ARID5B: variants seen among roughly 807,000 people sequenced by gnomAD.
ARID5B encodes AT-rich interactive domain-containing protein 5B.
Under a neutral mutation model 97.2 loss-of-function variants are expected in ARID5B, and 13 were observed. The ratio of observed to expected loss-of-function variants is 0.13; its 90% CI spans 0.09 to 0.21. The LOEUF (loss-of-function observed/expected upper bound fraction) is 0.21. Among genes scored for constraint, ARID5B ranks in the 10% least tolerant of loss-of-function variants. The probability of loss-of-function intolerance (pLI) is 1.00; values close to 1 mark genes in which losing one functional copy is unlikely to be tolerated. For missense variants in ARID5B, 1,210 were observed against 1,465.3 expected, an observed-to-expected ratio of 0.83 and a Z score of 2.84; for synonymous variants, 556 against 570.3, an observed-to-expected ratio of 0.97 and a Z score of 0.36.
Position 62,092,664 on chromosome 10 carries a change from A to G in ARID5B, c.3201A>G (p.Glu1067=). The G allele has an allele frequency of 6.2e-7, 1 of 1,614,072 alleles. No homozygotes were observed. Among genetic ancestry groups the G allele is most frequent in the East Asian group, 2.2e-5 (1 of 44,874 alleles). Residue 1067 remains glutamate, a synonymous_variant, in exon 10 of 10, where the codon GAA becomes GAG. Coordinates refer to ENST00000279873, the MANE Select transcript of ARID5B (RefSeq NM_032199.3). ...AHGGHSGGGS[E]GHKLPLSSPI... Reference sequence around the variant, plus strand: ...GTGGGCATTCCGGGGGCGGATCAGAAGGCCACAAGCTTCCCCTCTCCTCCC... The same window carrying G: ...GTGGGCATTCCGGGGGCGGATCAGAGGGCCACAAGCTTCCCCTCTCCTCCC...
intron 2 of ARID5B, among the ~76,000 whole-genome samples, chr10:61,919,468 C>T (rs1471468777): frequency 6.6e-6 from 1 of 152,118 alleles, no homozygotes; most frequent in Non-Finnish European, 1.5e-5. Context: ...GGAAAGGTCC[C>T]AGCCAAAATG....
At position 61,929,210 on chromosome 10, in the gene ARID5B, T is replaced by C. The variant is rs552827907; in HGVS notation, c.277-10973T>C. On this transcript the variant is annotated intron_variant, in intron 2 of 9. Transcript: ENST00000279873. Reference sequence around the variant, plus strand: ...TCGGTGTCACAATTTATTTAGCTAATACCTCATATTGTTGTTTTTGTGTTC... The same window carrying C: ...TCGGTGTCACAATTTATTTAGCTAACACCTCATATTGTTGTTTTTGTGTTC... 2.6e-5 allele frequency among the ~76,000 whole-genome samples: 4 copies of C among 152,366 alleles called. 1 individual carries two copies. The highest frequency in any genetic ancestry group is 4.1e-4 in the South Asian group (2 of 4,830).
chr10:62,057,645 C>A (rs932953292), intron 6 of ARID5B, among the ~76,000 whole-genome samples: 1 of 152,022 alleles, frequency 6.6e-6, no homozygotes, highest in South Asian at 2.1e-4. Flanking sequence ...AATAATATGA[C>A]GTAGCTTTAT....
At chr10:62,036,919 T>C (rs796106372) in intron 4 of ARID5B, among the ~76,000 whole-genome samples, 2 of 152,336 alleles carry the variant, frequency 1.3e-5, no homozygotes, top group African/African-American at 4.8e-5. Flanking sequence ...CATCATTTTA[T>C]AAATGACTCC....
chr10:61,969,758 A>G (rs531201446), intron 3 of ARID5B, among the ~76,000 whole-genome samples: 16 of 152,326 alleles, frequency 1.1e-4, no homozygotes, highest in African/African-American at 3.8e-4. Flanking sequence ...CAATCAGAAT[A>G]AATTGGCATT....
chr10:62,078,114 G>C (rs1309612449), intron 8 of ARID5B, among the ~76,000 whole-genome samples: 3 of 152,158 alleles, frequency 2.0e-5, no homozygotes, highest in Non-Finnish European at 4.4e-5. Context: ...CATGCATGGG[G>C]CTTAAATGCA....
At chr10:62,059,491 G>A (rs115052976) in intron 7 of ARID5B, among the ~76,000 whole-genome samples, 196 bp downstream of exon 7, 1,933 of 152,178 alleles carry the variant, frequency 0.013, 38 homozygotes, top group African/African-American at 0.044. Context: ...TAAACTTGTC[G>A]TAAAAACTAC....
chr10:62,045,238 C>A (rs1839691022), intron 4 of ARID5B, among the ~76,000 whole-genome samples: 1 of 152,146 alleles, frequency 6.6e-6, no homozygotes, highest in Non-Finnish European at 1.5e-5. Context: ...TTTGATCAAG[C>A]CTTCTGCCAT....
intron 2 of ARID5B, among the ~76,000 whole-genome samples, chr10:61,928,304 T>C (rs1038655761): frequency 6.6e-6 from 1 of 152,040 alleles, no homozygotes; most frequent in African/African-American, 2.4e-5. Context: ...ATTATTACTA[T>C]CATTATTATT....
intron 4 of ARID5B, among the ~76,000 whole-genome samples, chr10:62,005,108 A>G (rs1352289215): frequency 2.0e-5 from 3 of 152,222 alleles, no homozygotes; most frequent in Non-Finnish European, 2.9e-5. Context: ...CCATGTGTAG[A>G]CACCATGAGC....
intron 4 of ARID5B, among the ~76,000 whole-genome samples, chr10:62,043,214 C>G (rs1311174774): frequency 6.6e-6 from 1 of 152,134 alleles, no homozygotes. Flanking sequence ...TTTCCTATTT[C>G]CAGAATTCTC....
intron 3 of ARID5B, among the ~76,000 whole-genome samples, chr10:61,997,000 G>A (rs1293345900): frequency 6.6e-6 from 1 of 151,942 alleles, no homozygotes; most frequent in Non-Finnish European, 1.5e-5. Flanking sequence ...GTGTGCATGA[G>A]CTATTTGGGA....
At chr10:61,959,875 G>A (rs1838445557) in intron 3 of ARID5B, among the ~76,000 whole-genome samples, 1 of 152,164 alleles carries the variant, frequency 6.6e-6, no homozygotes, top group South Asian at 2.1e-4. Context: ...AGAATCCAAA[G>A]AACCCTATGG....
At chr10:61,929,270 C>T (rs1045420808) in intron 2 of ARID5B, among the ~76,000 whole-genome samples, 1 of 152,176 alleles carries the variant, frequency 6.6e-6, no homozygotes. Context: ...CTACAAAGTA[C>T]ATTTTGAAAG....
At chr10:61,931,489 GA>G (rs1209740761) in intron 2 of ARID5B, among the ~76,000 whole-genome samples, 3 of 151,746 alleles carry the variant, frequency 2.0e-5, no homozygotes, top group Non-Finnish European at 4.4e-5. Flanking sequence ...ATCCATAAAA[GA>G]AAAAAAATCT....
intron 2 of ARID5B, among the ~76,000 whole-genome samples, chr10:61,916,704 C>T (rs1843912306): frequency 6.6e-6 from 1 of 152,064 alleles, no homozygotes; most frequent in Non-Finnish European, 1.5e-5. Context: ...ATTGTGCTGT[C>T]CTGTTTACAA....
At chr10:61,996,925 A>C (rs188803216) in intron 3 of ARID5B, among the ~76,000 whole-genome samples, 1 of 151,634 alleles carries the variant, frequency 6.6e-6, no homozygotes, top group East Asian at 1.9e-4. Context: ...TCAAAATCCA[A>C]ACTAACAACC....
In ARID5B at chr10:62,087,546, A is replaced by G. The variant is rs576384081; in HGVS notation, c.1398+1646A>G. The stretch of plus-strand genomic sequence containing the variant: ...CTGCTGCCCATTAAAAAAAAAAAAA[A>G]ACTGAGCAGCCACATTTGGAGACAG... On this transcript the variant is annotated intron_variant, in intron 9 of 9. Transcript: ENST00000279873. Among the ~76,000 whole-genome samples, 3 of 151,718 alleles carry G rather than the reference A, an allele frequency of 2.0e-5. No individual in the cohort carries two copies. In the South Asian group the frequency reaches 6.3e-4, roughly 32 times the overall value.
At chr10:62,029,883 G>C (rs887586237) in intron 4 of ARID5B, among the ~76,000 whole-genome samples, 5 of 152,168 alleles carry the variant, frequency 3.3e-5, no homozygotes, top group Admixed American at 6.5e-5. Context: ...CTCCTTTAAC[G>C]ATGTGGGGGT....
Sources: gnomAD v4.1 joint callset for allele counts (sites outside exome capture counted in the v4.1 genomes callset) on GRCh38, gnomAD v4.1.1 for gene constraint, MANE v1.5 for transcripts, NCBI Gene and HGNC (gene_info 2026-07-23, HGNC 2026-07-21) for gene names.